The following KAZN variants were observed in gnomAD, a reference collection of about 807,000 sequenced individuals.
KAZN encodes the protein kazrin.
Under a neutral mutation model 87.4 loss-of-function variants are expected in KAZN, and 40 were observed. The observed-to-expected ratio is 0.46, with a 90% CI of 0.36 to 0.60. The LOEUF is 0.60. Among genes scored for constraint, KAZN ranks in the 20% least tolerant of loss-of-function variants. The pLI is 0.00. For missense variants in KAZN, 898 were observed against 1,073.9 expected (o/e 0.84, Z 2.29); for synonymous variants, 466 against 458.3 (o/e 1.02, Z -0.22).
intron 2 of KAZN, among the ~76,000 whole-genome samples, chr1:14,365,866 GTAGA>G (rs529996618): frequency 1.0e-3 from 155 of 152,338 alleles, no homozygotes; most frequent in Non-Finnish European, 2.1e-3. Flanking sequence ...GTCATAAAGT[GTAGA>G]TAGATATTCC....
intron 2 of KAZN, among the ~76,000 whole-genome samples, chr1:14,992,344 G>A (rs891347173): frequency 6.6e-6 from 1 of 152,176 alleles, no homozygotes; most frequent in African/African-American, 2.4e-5. Context: ...AATGCCCAGG[G>A]AGCATCCAGG....
chr1:14,499,554 G>A (rs936643330), intron 2 of KAZN, among the ~76,000 whole-genome samples: 6 of 152,152 alleles, frequency 3.9e-5, no homozygotes, highest in Non-Finnish European at 5.9e-5. Flanking sequence ...TCTCATTATC[G>A]ATTGTTCTGC....
In KAZN at chr1:14,850,479, G is replaced by A. The variant is rs142898952; in HGVS notation, c.227-110205G>A. Among the ~76,000 whole-genome samples the A allele has an allele frequency of 1.9e-3, 284 of 152,242 alleles. 3 individuals carry two copies. Among genetic ancestry groups the A allele is most frequent in the Non-Finnish European group, 2.4e-4 (16 of 68,028 alleles). ...CTAACATCATCGCCATTTTACAGACGAGAAAACCAAGGCTTAGAGAGGTTA... is the reference window on the plus strand; with the variant it reads ...CTAACATCATCGCCATTTTACAGACAAGAAAACCAAGGCTTAGAGAGGTTA... On this transcript the variant is annotated intron_variant, in intron 1 of 14. Transcript: ENST00000376030.
At chr1:14,678,473 C>T (rs1279379281) in intron 1 of KAZN, among the ~76,000 whole-genome samples, 1 of 152,238 alleles carries the variant, frequency 6.6e-6, no homozygotes, top group Non-Finnish European at 1.5e-5. Context: ...GACCGAGCCA[C>T]TGCTGGCTTC....
chr1:14,629,035 C>T (rs1449516187), intron 1 of KAZN, among the ~76,000 whole-genome samples: 5 of 151,854 alleles, frequency 3.3e-5, no homozygotes, highest in African/African-American at 1.2e-4. Flanking sequence ...TTACTGGAGA[C>T]GGGGTTTCAC....
chr1:14,596,256 G>A (rs1332960778), upstream of KAZN, among the ~76,000 whole-genome samples: 1 of 152,052 alleles, frequency 6.6e-6, no homozygotes, highest in Non-Finnish European at 1.5e-5. Flanking sequence ...ATAAATTACT[G>A]TTTCTTCTGC....
At chr1:14,922,533 G>T (rs1039995564) in intron 1 of KAZN, among the ~76,000 whole-genome samples, 3 of 151,966 alleles carry the variant, frequency 2.0e-5, no homozygotes, top group African/African-American at 7.3e-5. Context: ...GTCCTCTGGC[G>T]CAGTTAAAAG....
chr1:14,741,795 C>G (rs1302231297), intron 1 of KAZN, among the ~76,000 whole-genome samples: 1 of 152,140 alleles, frequency 6.6e-6, no homozygotes, highest in Non-Finnish European at 1.5e-5. Context: ...TAAACAATAG[C>G]AAACTCTGAT....
intron 2 of KAZN, among the ~76,000 whole-genome samples, chr1:14,485,356 G>C (rs1392825532): frequency 6.6e-6 from 1 of 152,170 alleles, no homozygotes; most frequent in Non-Finnish European, 1.5e-5. Context: ...TCTTTATGAG[G>C]TAGGAGGTGG....
At chr1:14,651,281 G>C (rs1390220207) in intron 1 of KAZN, among the ~76,000 whole-genome samples, 1 of 152,176 alleles carries the variant, frequency 6.6e-6, no homozygotes, top group Admixed American at 6.5e-5. Context: ...GACTTATTTT[G>C]ATGGCAGGAA....
chr1:14,821,368 T>G (rs982767183), intron 1 of KAZN, among the ~76,000 whole-genome samples: 6 of 151,170 alleles, frequency 4.0e-5, no homozygotes, highest in Middle Eastern at 3.4e-3. Flanking sequence ...ACAAAACAAA[T>G]TAGCCAGGTG....
intron 2 of KAZN, among the ~76,000 whole-genome samples, chr1:14,557,629 G>GTGTGTGT (rs1673971745): frequency 2.9e-4 from 40 of 137,938 alleles, no homozygotes; most frequent in Admixed American, 5.2e-4. Context: ...GGTGTGTGTG[G>GTGTGTGT]GTGTGTGTGT....
intron 1 of KAZN, among the ~76,000 whole-genome samples, chr1:14,155,045 C>A (rs1227470081): frequency 6.9e-6 from 1 of 145,246 alleles, no homozygotes; most frequent in African/African-American, 2.7e-5. Context: ...TGATACTGGC[C>A]TCAAATAATG....
At chr1:13,912,744 C>G (rs993085835) in intron 1 of KAZN, among the ~76,000 whole-genome samples, 2 of 152,104 alleles carry the variant, frequency 1.3e-5, no homozygotes, top group Non-Finnish European at 2.9e-5. Flanking sequence ...GCTGGGATTA[C>G]AGGGGTGCAG....
intron 2 of KAZN, among the ~76,000 whole-genome samples, chr1:14,519,040 T>C (rs1671442447): frequency 6.6e-6 from 1 of 151,994 alleles, no homozygotes; most frequent in African/African-American, 2.4e-5. Flanking sequence ...TCCTTAGCCA[T>C]AGGTGAGGGG....
Position 13,925,151 on chromosome 1 carries a change from A to C in KAZN, c.91+31395A>C, listed in dbSNP as rs534788383. Among the ~76,000 whole-genome samples, 7 of 152,318 alleles carry C rather than the reference A, an allele frequency of 4.6e-5. No individual in the cohort carries two copies. The South Asian group carries it at 1.5e-3, about 32-fold the overall frequency. ...TTCTATGTATTTATCTATTCTGGAC[A>C]TTTCACAGCGATGGGATCATAGATT... On this transcript the variant is annotated intron_variant, in intron 1 of 16. Transcript: ENST00000636203.
At chr1:14,158,325 AT>A (rs1001522560) in intron 1 of KAZN, among the ~76,000 whole-genome samples, 31 of 151,434 alleles carry the variant, frequency 2.0e-4, no homozygotes, top group African/African-American at 7.5e-4. Context: ...CTGTCAGTGT[AT>A]TTTCAAATAG....
intron 1 of KAZN, among the ~76,000 whole-genome samples, chr1:14,638,831 C>T (rs2148671718): frequency 6.6e-6 from 1 of 152,284 alleles, no homozygotes; most frequent in African/African-American, 2.4e-5. Flanking sequence ...GATCTCCTTG[C>T]TTCTTGCCTT....
intron 1 of KAZN, among the ~76,000 whole-genome samples, chr1:14,845,275 A>T (rs571638992): frequency 6.9e-6 from 1 of 145,016 alleles, no homozygotes; most frequent in African/African-American, 2.6e-5. Flanking sequence ...GGATGGATGG[A>T]TGAGTGAGTG....
Sources: allele counts gnomAD v4.1 joint callset (sites outside exome capture counted in the v4.1 genomes callset), GRCh38; gene constraint gnomAD v4.1.1; transcripts MANE v1.5; gene names NCBI Gene and HGNC (gene_info 2026-07-23, HGNC 2026-07-21).